Variants in KLHL7 observed in about 807,000 individuals in gnomAD.
KLHL7 encodes kelch like family member 7.
Under a neutral mutation model 67.4 loss-of-function variants are expected in KLHL7, and 44 were observed. That is an observed-to-expected ratio of 0.65 (90% CI 0.51 to 0.84). KLHL7 has a LOEUF of 0.84. KLHL7 is among the 40% of genes least tolerant of loss of function. The pLI, the probability that KLHL7 is intolerant of heterozygous loss-of-function variation, is 0.00. For synonymous variants in KLHL7, 252 were observed against 243.3 expected, an observed-to-expected ratio of 1.04 and a Z score of -0.33; for missense variants, 362 against 718.1, an observed-to-expected ratio of 0.50 and a Z score of 5.67.
chr7:23,172,864 T>G, intron 9 of KLHL7, 84 bp from the exon 10 acceptor site: 2 of 997,608 alleles, frequency 2.0e-6, no homozygotes, highest in Admixed American at 1.7e-5. Context: ...AATGAGCACT[T>G]AATTAGAATA....
chr7:23,173,066 G>T, intron 10 of KLHL7, 21 bp downstream of exon 10: 13 of 1,552,520 alleles, frequency 8.4e-6, no homozygotes, highest in Non-Finnish European at 1.2e-5. Context: ...TTAATTCACT[G>T]TTCCACTTTC....
chr7:23,157,796 G>C (rs959673243), intron 7 of KLHL7, among the ~76,000 whole-genome samples: 3 of 152,130 alleles, frequency 2.0e-5, no homozygotes, highest in Non-Finnish European at 4.4e-5. Flanking sequence ...GACTGGTGCT[G>C]GGAGTCATGA....
chr7:23,160,887 C>T lies in KLHL7; in HGVS notation c.937-4811C>T, dbSNP rs569414330. Reference sequence around the variant, plus strand: ...TGGAAAACCAGAGTGCCCTTAAGAACGTGCTATTTGGAAGGAAAGCAAAGA... The same window carrying T: ...TGGAAAACCAGAGTGCCCTTAAGAATGTGCTATTTGGAAGGAAAGCAAAGA... On this transcript the variant is annotated intron_variant, in intron 7 of 10. Transcript: ENST00000339077. Among the ~76,000 whole-genome samples, 5 of 152,216 alleles carry T rather than the reference C, an allele frequency of 3.3e-5. No individual in the cohort carries two copies. The East Asian group carries it at 7.7e-4, about 24-fold the overall frequency.
At chr7:23,121,759 T>G (rs1583652706) in intron 1 of KLHL7, among the ~76,000 whole-genome samples, 2 of 150,434 alleles carry the variant, frequency 1.3e-5, no homozygotes, top group Admixed American at 1.3e-4. Context: ...CTCAGCTCAC[T>G]GCAAGCTCCG....
chr7:23,117,419 TCCTGTTTGGTC>T (rs1449721775), intron 1 of KLHL7, among the ~76,000 whole-genome samples: 1 of 152,106 alleles, frequency 6.6e-6, no homozygotes, highest in Non-Finnish European at 1.5e-5. Flanking sequence ...CTTCTTCTAT[TCCTGTTTGGTC>T]CATAACACCT....
At chr7:23,116,036 A>T (rs1378828725) in intron 1 of KLHL7, among the ~76,000 whole-genome samples, 2 of 152,172 alleles carry the variant, frequency 1.3e-5, no homozygotes, top group African/African-American at 4.8e-5. Flanking sequence ...TCTAATGACA[A>T]AGCCTTCTCT....
At chr7:23,166,365 T>G (rs929906484) in intron 8 of KLHL7, among the ~76,000 whole-genome samples, 1 of 152,198 alleles carries the variant, frequency 6.6e-6, no homozygotes, top group Non-Finnish European at 1.5e-5. Context: ...TCATTTGTTT[T>G]ATTCTTTAAG....
chr7:23,115,320 A>C (rs564814406), intron 1 of KLHL7, among the ~76,000 whole-genome samples: 1 of 152,340 alleles, frequency 6.6e-6, no homozygotes, highest in East Asian at 1.9e-4. Context: ...AAAACAGAAT[A>C]TAAACTTTGG....
chr7:23,160,199 T>TA (rs1784819323), intron 7 of KLHL7, among the ~76,000 whole-genome samples: 1 of 152,216 alleles, frequency 6.6e-6, no homozygotes. Flanking sequence ...GCGCCAAGAT[T>TA]AAAAATTGCA....
In KLHL7 at chr7:23,106,059, G is replaced by A. The variant is rs367891815; in HGVS notation, c.33G>A (p.Lys11=). The change falls in exon 1 of 11, where the codon AAG becomes AAA. Residue 11 remains lysine, a synonymous_variant. Transcript: ENST00000339077. MAASGVEKSS[K]KKTEKKLAAR... is the part of the protein sequence containing the mutation. ...CCTCTGGGGTGGAGAAGAGCAGCAA[G>A]AAGAAGACCGAGAAGAAACTTGCTG... 4 of 1,609,886 alleles carry A rather than the reference G, an allele frequency of 2.5e-6. No homozygotes were observed. The African/African-American group carries it at 5.3e-5, about 21-fold the overall frequency.
At chr7:23,121,787 G>A (rs11980840) in intron 1 of KLHL7, among the ~76,000 whole-genome samples, 68,202 of 149,926 alleles carry the variant, frequency 0.45, 17,646 homozygotes, top group African/African-American at 0.72. Context: ...GGTTCATGCC[G>A]TTCTCCTGCC....
chr7:23,162,139 C>A (rs1784870983), intron 7 of KLHL7, among the ~76,000 whole-genome samples: 1 of 152,154 alleles, frequency 6.6e-6, no homozygotes, highest in Non-Finnish European at 1.5e-5. Flanking sequence ...TTTGTTCTTT[C>A]TAGTAGGCCA....
At chr7:23,128,245 CGAA>C (rs1047140706) in intron 4 of KLHL7, among the ~76,000 whole-genome samples, 1 of 150,998 alleles carries the variant, frequency 6.6e-6, no homozygotes, top group African/African-American at 2.4e-5. Context: ...AAACTCAAAC[CGAA>C]GAAGATCAAA....
At chr7:23,144,115 C>T in intron 6 of KLHL7, 90 bp downstream of exon 6, 1 of 1,098,706 alleles carries the variant, frequency 9.1e-7, no homozygotes, top group Non-Finnish European at 1.4e-6. Context: ...GACTCAGTAG[C>T]CAGGGAGAAA....
At chr7:23,129,901 TC>T (rs1443123941) in intron 4 of KLHL7, 4 of 153,486 alleles carry the variant, frequency 2.6e-5, no homozygotes, top group Non-Finnish European at 5.9e-5. Flanking sequence ...ATTTAGAGGC[TC>T]CTTTTCCTAA....
chr7:23,124,877 A>G, intron 3 of KLHL7, 96 bp downstream of exon 3: 1 of 1,153,780 alleles, frequency 8.7e-7, no homozygotes, highest in Non-Finnish European at 1.3e-6. Context: ...AAATTCTTCA[A>G]AATGAAAAAC....
chr7:23,148,947 T>C (rs1055882983), intron 6 of KLHL7, among the ~76,000 whole-genome samples: 4 of 152,232 alleles, frequency 2.6e-5, no homozygotes, highest in Non-Finnish European at 4.4e-5. Flanking sequence ...CTTTGGGGCC[T>C]GGGCAGAGCT....
intron 9 of KLHL7, among the ~76,000 whole-genome samples, chr7:23,172,570 C>T (rs1208653959): frequency 6.6e-6 from 1 of 152,154 alleles, no homozygotes; most frequent in Non-Finnish European, 1.5e-5. Flanking sequence ...TATTTCCTGC[C>T]AGCAGAGGTG....
chr7:23,138,987 A>G (rs1784084596), intron 4 of KLHL7, among the ~76,000 whole-genome samples: 1 of 152,140 alleles, frequency 6.6e-6, no homozygotes, highest in South Asian at 2.1e-4. Context: ...TAGGGTTACC[A>G]TAATAGCAAC....
Sources: gnomAD v4.1 joint callset for allele counts (sites outside exome capture counted in the v4.1 genomes callset) on GRCh38, gnomAD v4.1.1 for gene constraint, MANE v1.5 for transcripts, NCBI Gene and HGNC (gene_info 2026-07-23, HGNC 2026-07-21) for gene names.